MB: variants seen among roughly 807,000 people sequenced by gnomAD.
MB encodes the protein myoglobin.
In MB, 10 loss-of-function variants were observed where a neutral mutation model predicts 14.5. That is an observed-to-expected ratio of 0.69 (90% CI 0.43 to 1.17). The LOEUF (loss-of-function observed/expected upper bound fraction) is 1.17. MB is among the 50% of genes most tolerant of loss of function. The pLI is 0.00. For missense variants in MB, 169 were observed against 192.7 expected (o/e 0.88, Z 0.73); for synonymous variants, 89 against 78.6 (o/e 1.13, Z -0.70).
chr22:35,615,202 G>C (rs1922978851), intron 1 of MB, among the ~76,000 whole-genome samples: 1 of 152,186 alleles, frequency 6.6e-6, no homozygotes, highest in South Asian at 2.1e-4. Context: ...TCAGTATCTA[G>C]AACAAAGTCA....
intron 1 of MB, among the ~76,000 whole-genome samples, chr22:35,612,040 G>A (rs552862767): frequency 6.6e-6 from 1 of 152,042 alleles, no homozygotes; most frequent in East Asian, 1.9e-4. Context: ...GCTAGCTAGC[G>A]GCAGAGCCCA....
Position 35,607,305 on chromosome 22 carries a change from G to A in MB, c.457C>T (p.Gln153Ter). 6.2e-7 allele frequency: 1 copy of A among 1,612,738 alleles called. No individual in the cohort carries two copies. Among genetic ancestry groups the A allele is most frequent in the Non-Finnish European group, 8.5e-7 (1 of 1,178,982 alleles). ...MASNYKELGF[Q>*]G ...GTGGGAGCGGCAGGGGCCTAGCCCTGGAAGCCCAGCTCCTTGTAGTTGGAG... is the reference window on the plus strand; with the variant it reads ...GTGGGAGCGGCAGGGGCCTAGCCCTAGAAGCCCAGCTCCTTGTAGTTGGAG... Residue 153 changes from glutamine to a stop codon, truncating the protein, a stop_gained, in exon 3 of 3, where the codon CAG becomes TAG. Coordinates refer to ENST00000397326, the MANE Select transcript of MB (RefSeq NM_005368.3). LOFTEE classifies it high-confidence loss of function.
chr22:35,618,181 T>C (rs910562658), upstream of MB, among the ~76,000 whole-genome samples: 10 of 152,104 alleles, frequency 6.6e-5, no homozygotes, highest in African/African-American at 2.2e-4. Flanking sequence ...CCCTATTTAA[T>C]TGAGAGAAAG....
At chr22:35,612,591 G>C (rs1429319430) in intron 1 of MB, among the ~76,000 whole-genome samples, 1 of 152,032 alleles carries the variant, frequency 6.6e-6, no homozygotes, top group Non-Finnish European at 1.5e-5. Context: ...CAAAGTGCTG[G>C]GATTACAGGC....
intron 2 of MB, among the ~76,000 whole-genome samples, 200 bp from the exon 3 acceptor site, chr22:35,607,643 T>A (rs1922255224): frequency 6.6e-6 from 1 of 152,164 alleles, no homozygotes; most frequent in Non-Finnish European, 1.5e-5. Flanking sequence ...ATACTACAAC[T>A]GCCCTCGATT....
At chr22:35,620,804 G>T (rs778580194), upstream of MB, among the ~76,000 whole-genome samples, 1 of 152,138 alleles carries the variant, frequency 6.6e-6, no homozygotes, top group African/African-American at 2.4e-5. Context: ...CTCTTCTCCC[G>T]TCTCTGGCCT....
intron 1 of MB, chr22:35,623,065 A>C (rs868128441): frequency 1.6e-4 from 25 of 152,140 alleles, no homozygotes; most frequent in Admixed American, 5.2e-4. Context: ...CCACAAACTC[A>C]TATTGTACTT....
Position 35,617,315 on chromosome 22 carries a change from C to A in MB, c.-58G>T. ...ATGGGCTCACTGGGTGTCCTGGCCC[C>A]AACAGCTGGGGTTTGAGGCTGCCTG... On this transcript the variant is annotated 5_prime_UTR_variant, in exon 1 of 3. Transcript: ENST00000397326. 3 of 1,423,508 alleles carry A rather than the reference C, an allele frequency of 2.1e-6. No homozygotes were observed. The highest frequency in any genetic ancestry group is 3.0e-6 in the Non-Finnish European group (3 of 1,008,404). 88.2% of individuals were successfully genotyped at this position (1,423,508 alleles called of 1,614,324 possible). A position where few individuals can be genotyped will look rare whatever the true frequency, so the allele number is the denominator to read the frequency against.
chr22:35,607,726 A>G (rs1922267165), intron 2 of MB, among the ~76,000 whole-genome samples: 1 of 152,134 alleles, frequency 6.6e-6, no homozygotes, highest in African/African-American at 2.4e-5. Context: ...CCGGCTCCGG[A>G]GCCCACGCTC....
At chr22:35,610,803 A>C (rs968205358) in intron 2 of MB, 81 bp downstream of exon 2, 4 of 1,093,880 alleles carry the variant, frequency 3.7e-6, no homozygotes, top group Non-Finnish European at 5.4e-6. Flanking sequence ...TTAGTGGCTG[A>C]GCTTGGACTC....
rs1410223363 is a variant in MB, at chr22:35,607,061, A to C, written c.*236T>G. The C allele has an allele frequency of 2.1e-6, 1 of 465,848 alleles. No individual in the cohort carries two copies. The allele number at this position is 465,848 out of a possible 1,614,324, so 28.9% of individuals were successfully genotyped here. On this transcript the variant is annotated 3_prime_UTR_variant, in exon 3 of 3. Coordinates refer to ENST00000397326, the MANE Select transcript of MB (RefSeq NM_005368.3). ...AATTCAGATCCAAACCATGCAGAAC[A>C]CAGTGAGCCAAGGGCCACTCCCGGT...
chr22:35,614,509 A>C (rs1237917890), intron 1 of MB, among the ~76,000 whole-genome samples: 1 of 151,696 alleles, frequency 6.6e-6, no homozygotes, highest in Non-Finnish European at 1.5e-5. Flanking sequence ...AAAAGGAGCA[A>C]GGATTCTGGA....
chr22:35,619,867 T>A (rs2145926921), upstream of MB, among the ~76,000 whole-genome samples: 3 of 152,282 alleles, frequency 2.0e-5, no homozygotes, highest in South Asian at 6.2e-4. Context: ...CAGTGAGTCC[T>A]GTGTACTGAG....
intron 2 of MB, among the ~76,000 whole-genome samples, chr22:35,610,499 T>A (rs950114229): frequency 1.3e-5 from 2 of 152,150 alleles, no homozygotes; most frequent in African/African-American, 4.8e-5. Context: ...GCTCTGCCAT[T>A]ATCCACCTCC....
Position 35,608,276 on chromosome 22 carries a change from AC to A in MB, c.319-834del, listed in dbSNP as rs1384004087. On this transcript the variant is annotated intron_variant, in intron 2 of 2. Transcript: ENST00000397326. This position sits in a 1 kb window ranked among gnomAD's most constrained non-coding sequence, Gnocchi z 4.3. ...TCCCAACCACAGCCCTGGCTGGTGC[AC>A]CAAGGAGTGTCGTTTTACAGAGGAG... 5.9e-5 allele frequency among the ~76,000 whole-genome samples: 9 copies of A among 152,336 alleles called. No individual in the cohort carries two copies. Among genetic ancestry groups the A allele is most frequent in the African/African-American group, 2.2e-4 (9 of 41,576 alleles).
intron 2 of MB, among the ~76,000 whole-genome samples, chr22:35,607,974 G>A (rs936187392): frequency 3.3e-5 from 5 of 152,156 alleles, no homozygotes; most frequent in Non-Finnish European, 7.4e-5. Flanking sequence ...TATTTTGGGG[G>A]CACAGCCTCC....
upstream of MB, among the ~76,000 whole-genome samples, chr22:35,619,189 A>T (rs1161311419): frequency 2.6e-5 from 4 of 152,224 alleles, no homozygotes; most frequent in Admixed American, 1.3e-4. Flanking sequence ...GAGTCTTTTT[A>T]GGGAGATAAC....
Position 35,609,400 on chromosome 22 carries a change from G to A in MB, c.318+1484C>T, listed in dbSNP as rs1286193589. ...TAGTGGATGAACAGGGATTTGCAGA[G>A]AGAAGATGGGCAGGCAGGGACGGCC... On this transcript the variant is annotated intron_variant, in intron 2 of 2. Transcript: ENST00000397326. 2.6e-5 allele frequency among the ~76,000 whole-genome samples: 4 copies of A among 152,228 alleles called. No homozygotes were observed. The East Asian group carries it at 7.7e-4, about 29-fold the overall frequency.
At chr22:35,618,730 CTCCATCTA>C (rs747127609), upstream of MB, among the ~76,000 whole-genome samples, 8 of 151,408 alleles carry the variant, frequency 5.3e-5, no homozygotes, top group Non-Finnish European at 1.0e-4. Flanking sequence ...CCACCAGTTC[CTCCATCTA>C]TCCATCTATC....
Sources: allele counts gnomAD v4.1 joint callset (sites outside exome capture counted in the v4.1 genomes callset), GRCh38; gene constraint gnomAD v4.1.1; non-coding constraint Gnocchi (gnomAD v3.1); transcripts MANE v1.5; gene names NCBI Gene and HGNC (gene_info 2026-07-23, HGNC 2026-07-21).